Variants in UBE2E1 observed in about 807,000 individuals in gnomAD.
The protein encoded by UBE2E1 is ubiquitin conjugating enzyme E2 E1, also known as ubiquitin-conjugating enzyme E2 E1.
In UBE2E1, 6 loss-of-function variants were observed where a neutral mutation model predicts 21.4. That is an observed-to-expected ratio of 0.28 (90% confidence interval 0.15 to 0.55). The LOEUF is 0.55. Ranked by LOEUF, UBE2E1 falls within the 20% of genes least tolerant of loss-of-function variation. The probability of loss-of-function intolerance (pLI) is 0.93; values close to 1 mark genes in which losing one functional copy is unlikely to be tolerated. For synonymous variants in UBE2E1, 87 were observed against 82.7 expected (o/e 1.05, Z -0.28); for missense variants, 142 against 236.5 (o/e 0.60, Z 2.62).
intron 3 of UBE2E1, among the ~76,000 whole-genome samples, chr3:23,872,072 G>A (rs1364786145): frequency 6.6e-6 from 1 of 152,160 alleles, no homozygotes; most frequent in Non-Finnish European, 1.5e-5. Flanking sequence ...CTGCGCTCCA[G>A]CCTGGGCACC....
At chr3:23,869,049 A>G (rs1356654956) in intron 3 of UBE2E1, among the ~76,000 whole-genome samples, 1 of 152,222 alleles carries the variant, frequency 6.6e-6, no homozygotes, top group Non-Finnish European at 1.5e-5. Flanking sequence ...CTTATACTAT[A>G]GTCACATGCA....
chr3:23,816,248 A>G lies in UBE2E1; in HGVS notation c.203+4738A>G, dbSNP rs1313248695. Among the ~76,000 whole-genome samples, 1 of 152,244 alleles carries G rather than the reference A, an allele frequency of 6.6e-6. No homozygotes were observed. The highest frequency in any genetic ancestry group is 2.4e-5 in the African/African-American group (1 of 41,470). On this transcript the variant is annotated intron_variant, in intron 3 of 5. Transcript: ENST00000306627. This position sits in a 1 kb window ranked among gnomAD's most constrained non-coding sequence, Gnocchi z 4.8. ...GGCTCAAACAGATAACCTGTATGTC[A>G]GTATTCATAGCATTATTCATAGTAG...
rs1701384761 is a variant in UBE2E1, at chr3:23,890,612, G to A, written c.*6G>A. The A allele has an allele frequency of 6.2e-7, 1 of 1,612,018 alleles. No individual in the cohort carries two copies. Among genetic ancestry groups the A allele is most frequent in the African/African-American group, 1.3e-5 (1 of 74,782 alleles). On this transcript the variant is annotated 3_prime_UTR_variant, in exon 6 of 6. Coordinates refer to ENST00000306627, the MANE Select transcript of UBE2E1 (RefSeq NM_003341.5). ...CCAAGAGATACGCTACATAAATTGGGGTTTCACAATTCTTACATTATTTGT... is the reference window on the plus strand; with the variant it reads ...CCAAGAGATACGCTACATAAATTGGAGTTTCACAATTCTTACATTATTTGT...
intron 3 of UBE2E1, among the ~76,000 whole-genome samples, chr3:23,860,270 C>T (rs1700525732): frequency 6.6e-6 from 1 of 152,210 alleles, no homozygotes; most frequent in African/African-American, 2.4e-5. Flanking sequence ...ACTACTGCTC[C>T]TTTGATGCTG....
chr3:23,829,079 T>C (rs192273482), intron 3 of UBE2E1, among the ~76,000 whole-genome samples: 56 of 152,078 alleles, frequency 3.7e-4, no homozygotes, highest in African/African-American at 1.2e-3. Flanking sequence ...TTGTATTTTT[T>C]ATTTTTTTCT....
At position 23,870,931 on chromosome 3, in the gene UBE2E1, C is replaced by T. The variant is rs1385038995; in HGVS notation, c.204-16636C>T. Among the ~76,000 whole-genome samples the T allele has an allele frequency of 1.3e-5, 2 of 152,232 alleles. No individual in the cohort carries two copies. Among genetic ancestry groups the T allele is most frequent in the African/African-American group, 2.4e-5 (1 of 41,536 alleles). ...CTGTTTAACAAAGCACATCTTGCACCGCCCTTAATCCATTTAACCCTGAGT... is the reference window on the plus strand; with the variant it reads ...CTGTTTAACAAAGCACATCTTGCACTGCCCTTAATCCATTTAACCCTGAGT... On this transcript the variant is annotated intron_variant, in intron 3 of 5. Transcript: ENST00000306627. This position sits in a 1 kb window ranked among gnomAD's most constrained non-coding sequence, Gnocchi z 4.2.
At chr3:23,809,957 C>T (rs763348177) in intron 2 of UBE2E1, among the ~76,000 whole-genome samples, 3 of 152,052 alleles carry the variant, frequency 2.0e-5, no homozygotes, top group Non-Finnish European at 2.9e-5. Context: ...GTGAACAAAC[C>T]CCTTTCTAAA....
intron 3 of UBE2E1, among the ~76,000 whole-genome samples, chr3:23,865,866 G>T (rs1700644875): frequency 6.6e-6 from 1 of 152,184 alleles, no homozygotes; most frequent in Admixed American, 6.5e-5. Context: ...TTACGTTTAG[G>T]TAGCTGTGAA....
At chr3:23,821,605 A>G (rs1460814692) in intron 3 of UBE2E1, among the ~76,000 whole-genome samples, 1 of 152,104 alleles carries the variant, frequency 6.6e-6, no homozygotes, top group East Asian at 1.9e-4. Context: ...GGCAGTGGAG[A>G]TATGGTAGAA....
At chr3:23,812,051 G>A (rs1302232240) in intron 3 of UBE2E1, among the ~76,000 whole-genome samples, 2 of 152,092 alleles carry the variant, frequency 1.3e-5, no homozygotes, top group African/African-American at 4.8e-5. Context: ...CTTTCATGGG[G>A]TGTTTTTTTC....
chr3:23,888,992 A>G (rs962651184), intron 4 of UBE2E1, 120 bp from the exon 5 acceptor site: 16 of 992,026 alleles, frequency 1.6e-5, no homozygotes, highest in Middle Eastern at 3.3e-4. Flanking sequence ...TTTATTGTCT[A>G]TCTTCTTGAC....
chr3:23,879,121 G>T, intron 3 of UBE2E1: 1 of 538,842 alleles, frequency 1.9e-6, no homozygotes, highest in Non-Finnish European at 3.5e-6. Context: ...TATAAGTAGA[G>T]GGACTGCTTG....
At chr3:23,888,849 GTTAATATT>G (rs1261979231) in intron 4 of UBE2E1, among the ~76,000 whole-genome samples, 2 of 152,184 alleles carry the variant, frequency 1.3e-5, no homozygotes, top group Non-Finnish European at 2.9e-5. Flanking sequence ...ACTTGGAAAT[GTTAATATT>G]TAAAAGATTT....
At chr3:23,861,658 G>C (rs1455834103) in intron 3 of UBE2E1, among the ~76,000 whole-genome samples, 1 of 152,232 alleles carries the variant, frequency 6.6e-6, no homozygotes, top group African/African-American at 2.4e-5. Flanking sequence ...TACACAGGTG[G>C]ATGGACGTCG....
chr3:23,819,370 A>G (rs1377774996), intron 3 of UBE2E1, among the ~76,000 whole-genome samples: 2 of 152,196 alleles, frequency 1.3e-5, no homozygotes, highest in Admixed American at 6.5e-5. Flanking sequence ...TGATGGCCCT[A>G]GAGAACTTAG....
rs1313517770 is a variant in UBE2E1, at chr3:23,810,444, G to T, written c.153-1016G>T. 3 of 1,535,654 alleles carry T rather than the reference G, an allele frequency of 2.0e-6. No individual in the cohort carries two copies. Among genetic ancestry groups the T allele is most frequent in the Non-Finnish European group, 1.7e-6 (2 of 1,146,578 alleles). On this transcript the variant is annotated intron_variant, in intron 2 of 5. Coordinates refer to ENST00000306627, the MANE Select transcript of UBE2E1 (RefSeq NM_003341.5). The surrounding 1 kb of genome is among the most constrained non-coding windows in gnomAD (Gnocchi z 5.8). ...GGAGGGAGAAAACTGCAGGTCTCCA[G>T]TCTATCCCCAGTGTGAGCTAGAGAG...
intron 3 of UBE2E1, among the ~76,000 whole-genome samples, chr3:23,830,155 G>A (rs1699838619): frequency 6.6e-6 from 1 of 152,036 alleles, no homozygotes; most frequent in African/African-American, 2.4e-5. Flanking sequence ...TTACATGCAT[G>A]TGCTTGATCT....
intron 3 of UBE2E1, among the ~76,000 whole-genome samples, chr3:23,844,243 C>A (rs983175400): frequency 1.3e-5 from 2 of 152,210 alleles, no homozygotes; most frequent in Middle Eastern, 3.4e-3. Flanking sequence ...TCATTTTCTA[C>A]TTCTGCCCCA....
In UBE2E1 at chr3:23,863,337, C is replaced by T. The variant is rs557900683; in HGVS notation, c.204-24230C>T. Among the ~76,000 whole-genome samples the T allele has an allele frequency of 6.6e-6, 1 of 152,122 alleles. No individual in the cohort carries two copies. The highest frequency in any genetic ancestry group is 1.5e-5 in the Non-Finnish European group (1 of 68,004). On this transcript the variant is annotated intron_variant, in intron 3 of 5. Transcript: ENST00000306627. The surrounding 1 kb of genome is among the most constrained non-coding windows in gnomAD (Gnocchi z 4.3). ...TGTGAGCATTATTCACATGTGGTTA[C>T]TTTTCCTTCCTTGCTTGACTACCTC... is the stretch of plus-strand genomic sequence containing the variant.
Sources: gnomAD v4.1 joint callset for allele counts (sites outside exome capture counted in the v4.1 genomes callset) on GRCh38, gnomAD v4.1.1 for gene constraint, Gnocchi (gnomAD v3.1) non-coding constraint, MANE v1.5 for transcripts, NCBI Gene and HGNC (gene_info 2026-07-23, HGNC 2026-07-21) for gene names.